NKAIN2: variants seen among roughly 807,000 people sequenced by gnomAD.
NKAIN2 encodes the protein sodium/potassium-transporting ATPase subunit beta-1-interacting protein 2.
Under a neutral mutation model 32.6 loss-of-function variants are expected in NKAIN2, and 14 were observed. The ratio of observed to expected loss-of-function variants is 0.43; its 90% CI spans 0.28 to 0.67. The LOEUF (loss-of-function observed/expected upper bound fraction) is 0.67, where lower values mean the gene tolerates loss of function less well. Ranked by LOEUF, NKAIN2 falls within the 30% of genes least tolerant of loss-of-function variation. The pLI is 0.17. For synonymous variants in NKAIN2, 80 were observed against 87.2 expected, an observed-to-expected ratio of 0.92 and a Z score of 0.46; for missense variants, 198 against 258.3, an observed-to-expected ratio of 0.77 and a Z score of 1.60.
chr6:124,336,069 A>G (rs1289000516), intron 2 of NKAIN2, among the ~76,000 whole-genome samples: 1 of 152,212 alleles, frequency 6.6e-6, no homozygotes, highest in Non-Finnish European at 1.5e-5. Flanking sequence ...AATATAAAAT[A>G]CCAATAATTC....
chr6:124,417,187 A>G (rs994088090), intron 3 of NKAIN2, among the ~76,000 whole-genome samples: 3 of 152,238 alleles, frequency 2.0e-5, no homozygotes, highest in African/African-American at 4.8e-5. Context: ...AATATCCATG[A>G]CAAAGTGCTT....
intron 4 of NKAIN2, among the ~76,000 whole-genome samples, chr6:124,717,066 A>G (rs926208456): frequency 1.3e-5 from 2 of 152,198 alleles, no homozygotes; most frequent in African/African-American, 4.8e-5. Context: ...CAATATTCCA[A>G]TTAAAAAGAG....
intron 3 of NKAIN2, among the ~76,000 whole-genome samples, chr6:124,649,939 A>G (rs902274954): frequency 6.6e-6 from 1 of 152,192 alleles, no homozygotes; most frequent in Non-Finnish European, 1.5e-5. Flanking sequence ...GGCAAAATCC[A>G]GCATCCATTC....
chr6:124,469,513 T>TA (rs1277901861), intron 3 of NKAIN2, among the ~76,000 whole-genome samples: 1 of 152,230 alleles, frequency 6.6e-6, no homozygotes, highest in Non-Finnish European at 1.5e-5. Context: ...TATTCAGTGT[T>TA]ATCCTGATAA....
chr6:124,086,710 T>A (rs75298079), intron 1 of NKAIN2, among the ~76,000 whole-genome samples: 11 of 151,842 alleles, frequency 7.2e-5, no homozygotes, highest in Admixed American at 3.3e-4. Context: ...ATGAGCCAAA[T>A]GCATGAAAGA....
intron 4 of NKAIN2, among the ~76,000 whole-genome samples, chr6:124,722,949 G>A (rs1052087092): frequency 1.3e-4 from 20 of 152,148 alleles, no homozygotes; most frequent in African/African-American, 4.8e-4. Flanking sequence ...ATATGCCTCA[G>A]AGTCACTTCA....
intron 4 of NKAIN2, among the ~76,000 whole-genome samples, chr6:124,783,656 A>C (rs1310702786): frequency 6.6e-6 from 1 of 152,156 alleles, no homozygotes; most frequent in Admixed American, 6.6e-5. Context: ...CATCTGGTAA[A>C]CAATACAGAT....
At chr6:124,520,151 A>G (rs934292730) in intron 3 of NKAIN2, among the ~76,000 whole-genome samples, 1 of 152,138 alleles carries the variant, frequency 6.6e-6, no homozygotes, top group South Asian at 2.1e-4. Flanking sequence ...ACGAAAAGGA[A>G]TCTTCCCTAT....
At chr6:124,375,232 C>A (rs1001900219) in intron 3 of NKAIN2, among the ~76,000 whole-genome samples, 8 of 151,912 alleles carry the variant, frequency 5.3e-5, no homozygotes, top group African/African-American at 1.2e-4. Context: ...ACTCCTATTA[C>A]TTGTCTTCAC....
At chr6:124,103,904 G>T (rs552947010) in intron 1 of NKAIN2, among the ~76,000 whole-genome samples, 113 of 152,078 alleles carry the variant, frequency 7.4e-4, no homozygotes, top group African/African-American at 2.7e-3. Flanking sequence ...TGGCTAACAC[G>T]GTGAAACCCC....
At chr6:123,837,718 CTTTCTGATTTTTT>C (rs1376560090) in intron 1 of NKAIN2, among the ~76,000 whole-genome samples, 1 of 151,972 alleles carries the variant, frequency 6.6e-6, no homozygotes, top group African/African-American at 2.4e-5. Flanking sequence ...CTCTGACATT[CTTTCTGATTTTTT>C]TTTCTGATTT....
intron 1 of NKAIN2, among the ~76,000 whole-genome samples, chr6:123,950,295 C>T (rs235667): frequency 0.76 from 116,176 of 151,916 alleles, 45,526 homozygotes; most frequent in African/African-American, 0.94. Flanking sequence ...CGTTTTGATA[C>T]CACAGTAAAA....
At chr6:124,486,190 T>G (rs1482644404) in intron 3 of NKAIN2, among the ~76,000 whole-genome samples, 1 of 152,222 alleles carries the variant, frequency 6.6e-6, no homozygotes, top group Non-Finnish European at 1.5e-5. Flanking sequence ...CTGTGTTTTT[T>G]CTAAAACTCT....
At chr6:124,467,295 C>T (rs1776798647) in intron 3 of NKAIN2, among the ~76,000 whole-genome samples, 1 of 152,010 alleles carries the variant, frequency 6.6e-6, no homozygotes, top group African/African-American at 2.4e-5. Context: ...TCCAAGAAAA[C>T]AACATCAGGA....
intron 1 of NKAIN2, among the ~76,000 whole-genome samples, chr6:124,273,074 T>C (rs1230519382): frequency 6.6e-6 from 1 of 152,168 alleles, no homozygotes; most frequent in Non-Finnish European, 1.5e-5. Flanking sequence ...ACTTGGACTT[T>C]TGGGTTAATG....
At chr6:124,807,159 T>G (rs1780608855) in intron 5 of NKAIN2, among the ~76,000 whole-genome samples, 1 of 151,830 alleles carries the variant, frequency 6.6e-6, no homozygotes, top group South Asian at 2.1e-4. Context: ...TCTACAGAAC[T>G]CTCCACCCCA....
intron 1 of NKAIN2, among the ~76,000 whole-genome samples, chr6:124,229,037 G>A (rs759782344): frequency 4.6e-5 from 7 of 152,118 alleles, no homozygotes; most frequent in East Asian, 1.9e-4. Flanking sequence ...AATTGAAGGT[G>A]TGTTTCTAAG....
intron 1 of NKAIN2, among the ~76,000 whole-genome samples, chr6:123,833,691 CTGTGTGTGTGTGTG>C (rs59906355): frequency 1.8e-3 from 238 of 129,568 alleles, no homozygotes; most frequent in Non-Finnish European, 2.9e-3. Context: ...ATTTTTTTTC[CTGTGTGTGTGTGTG>C]TGTGTGTGTG....
At chr6:124,738,682 C>G (rs561346571) in intron 4 of NKAIN2, among the ~76,000 whole-genome samples, 1 of 151,808 alleles carries the variant, frequency 6.6e-6, no homozygotes, top group Non-Finnish European at 1.5e-5. Flanking sequence ...TTCACCTAGA[C>G]CATGGGAGTA....
Sources: allele counts gnomAD v4.1 joint callset (sites outside exome capture counted in the v4.1 genomes callset), GRCh38; gene constraint gnomAD v4.1.1; transcripts MANE v1.5; gene names NCBI Gene and HGNC (gene_info 2026-07-23, HGNC 2026-07-21).